TNXB: variants seen among roughly 807,000 people sequenced by gnomAD.
TNXB encodes the protein tenascin-X.
In TNXB, 183 loss-of-function variants were observed where a neutral mutation model predicts 340.5. The ratio of observed to expected loss-of-function variants is 0.54; its 90% CI spans 0.48 to 0.61. The LOEUF (loss-of-function observed/expected upper bound fraction) is 0.61. Ranked by LOEUF, TNXB falls within the 20% of genes least tolerant of loss-of-function variation. The pLI is 0.00. For missense variants in TNXB, 4,613 were observed against 5,446.4 expected (o/e 0.85, Z 4.82); for synonymous variants, 2,121 against 2,314.5 (o/e 0.92, Z 2.40).
Position 32,087,918 on chromosome 6 carries a change from T to C in TNXB, c.2779+867A>G. ...AAGGGGGCCGTGGGGGCCGCGGGGC[T>C]GGGGCTGGCCGGGGCCGGGACTTGG... On this transcript the variant is annotated intron_variant, in intron 6 of 43. Transcript: ENST00000644971. This position sits in a 1 kb window ranked among gnomAD's most constrained non-coding sequence, Gnocchi z 9.0. 1 of 63,304 alleles carries C rather than the reference T, an allele frequency of 1.6e-5. No homozygotes were observed. Among genetic ancestry groups the C allele is most frequent in the Non-Finnish European group, 3.2e-5 (1 of 31,570 alleles). The allele number at this position is 63,304 out of a possible 1,614,324, so 3.9% of individuals were successfully genotyped here.
Position 32,089,197 on chromosome 6 carries a change from C to G in TNXB, c.2515+26G>C. ...CTAGTCCAGATCTCCACTCAGGACA[C>G]CCCTCCCCACAGCCCCAGCTCTCAC... On this transcript the variant is annotated intron_variant, in intron 5 of 43. Transcript: ENST00000644971. This position sits in a 1 kb window ranked among gnomAD's most constrained non-coding sequence, Gnocchi z 6.2. 6.3e-7 allele frequency: 1 copy of G among 1,580,960 alleles called. No individual in the cohort carries two copies. Among genetic ancestry groups the G allele is most frequent in the African/African-American group, 1.3e-5 (1 of 74,502 alleles).
rs1233087215 is a variant in TNXB, at chr6:32,047,132, G to A, written c.10324+602C>T. Among the ~76,000 whole-genome samples, 1 of 152,228 alleles carries A rather than the reference G, an allele frequency of 6.6e-6. No homozygotes were observed. Among genetic ancestry groups the A allele is most frequent in the Non-Finnish European group, 1.5e-5 (1 of 68,032 alleles). On this transcript the variant is annotated intron_variant, in intron 30 of 43. Transcript: ENST00000644971. This position sits in a 1 kb window ranked among gnomAD's most constrained non-coding sequence, Gnocchi z 6.2. ...TCTGTACCCCGTCCCCACAGTGAGGGTTTGGGAAGAGAATTACGGAGTCCC... is the reference window on the plus strand; with the variant it reads ...TCTGTACCCCGTCCCCACAGTGAGGATTTGGGAAGAGAATTACGGAGTCCC...
At position 32,058,382 on chromosome 6, in the gene TNXB, C is replaced by G; in HGVS notation, c.7501G>C (p.Glu2501Gln). 6.2e-7 allele frequency: 1 copy of G among 1,601,272 alleles called. No individual in the cohort carries two copies. The highest frequency in any genetic ancestry group is 8.5e-7 in the Non-Finnish European group (1 of 1,174,250). ...GGGCTGGGGGTCTCGTCCACATCCT[C>G]TTGTGGGGCTGAAAGGTAATATAGG... ...VSTVGVTAPQ[E>Q]DVDETPSPTE... Residue 2501 changes from glutamate (E) to glutamine (Q), a missense_variant, in exon 22 of 44, where the codon GAG (glutamate) becomes CAG (glutamine). Coordinates refer to ENST00000644971, the MANE Select transcript of TNXB (RefSeq NM_001365276.2). The surrounding 1 kb of genome is among the most constrained non-coding windows in gnomAD (Gnocchi z 5.1).
Position 32,047,731 on chromosome 6 carries a change from C to A in TNXB, c.10324+3G>T, listed in dbSNP as rs1776981598. 2 of 1,592,148 alleles carry A rather than the reference C, an allele frequency of 1.3e-6. No individual in the cohort carries two copies. Among genetic ancestry groups the A allele is most frequent in the Non-Finnish European group, 1.7e-6 (2 of 1,167,956 alleles). On this transcript the variant is annotated splice_donor_region_variant and intron_variant, in intron 30 of 43. Transcript: ENST00000644971. The surrounding 1 kb of genome is among the most constrained non-coding windows in gnomAD (Gnocchi z 6.2). Reference sequence around the variant, plus strand: ...AAAAGGTGGAGGCTGGACTGGGACTCACCTGTGGTGCTGTCAGCAGAGATG... The same window carrying A: ...AAAAGGTGGAGGCTGGACTGGGACTAACCTGTGGTGCTGTCAGCAGAGATG...
chr6:32,041,521 G>A, intron 43 of TNXB, 71 bp from the exon 44 acceptor site: 2 of 1,192,216 alleles, frequency 1.7e-6, no homozygotes, highest in Non-Finnish European at 2.4e-6. Flanking sequence ...CCCTTAAGGA[G>A]GTAGCTCCCA....
chr6:32,078,111 G>GAA (rs1779199494), intron 11 of TNXB, among the ~76,000 whole-genome samples: 1 of 149,376 alleles, frequency 6.7e-6, no homozygotes, highest in Non-Finnish European at 1.5e-5. Flanking sequence ...AAGAAAGAAA[G>GAA]AAAGAAAGAA....
At position 32,108,191 on chromosome 6, in the gene TNXB, G is replaced by T. The variant is rs1299935096; in HGVS notation, c.-9+990C>A. ...AGGGAAAAGAGGAGGGGCTGGAGAT[G>T]CGGGAAGCAGGGGCAGGGCAGGCAG... is the stretch of plus-strand genomic sequence containing the variant. On this transcript the variant is annotated intron_variant, in intron 1 of 43. Coordinates refer to ENST00000644971, the MANE Select transcript of TNXB (RefSeq NM_001365276.2). This position sits in a 1 kb window ranked among gnomAD's most constrained non-coding sequence, Gnocchi z 4.8. 6.6e-6 allele frequency among the ~76,000 whole-genome samples: 1 copy of T among 152,180 alleles called. No homozygotes were observed. The highest frequency in any genetic ancestry group is 2.4e-5 in the African/African-American group (1 of 41,416).
chr6:32,106,177 C>G (rs1780970265), intron 1 of TNXB, among the ~76,000 whole-genome samples: 1 of 150,796 alleles, frequency 6.6e-6, no homozygotes, highest in Admixed American at 6.6e-5. Flanking sequence ...GTTTCTTGAT[C>G]TGGATGACGG....
At position 32,053,134 on chromosome 6, in the gene TNXB, C is replaced by T. The variant is rs189047208; in HGVS notation, c.8792-141G>A. 3.7e-4 allele frequency: 423 copies of T among 1,128,726 alleles called. 2 individuals are homozygous for T. In the African/African-American group the frequency reaches 5.7e-3, roughly 15 times the overall value. The allele number at this position is 1,128,726 out of a possible 1,614,324, so 69.9% of individuals were successfully genotyped here. The stretch of plus-strand genomic sequence containing the variant: ...AGGCCCATCTTTGGAGCTGGGTGGT[C>T]TTGCTCAGTTTACAGTCAACACACA... On this transcript the variant is annotated intron_variant, in intron 25 of 43. Coordinates refer to ENST00000644971, the MANE Select transcript of TNXB (RefSeq NM_001365276.2).
chr6:32,087,518 G>A lies in TNXB; in HGVS notation c.2779+1267C>T, dbSNP rs1253156966. ...CCCAGCACCTCTGGCTTGGGGTGGCGGGACGCAGCCACCCGGTCGACGCCT... is the reference window on the plus strand; with the variant it reads ...CCCAGCACCTCTGGCTTGGGGTGGCAGGACGCAGCCACCCGGTCGACGCCT... On this transcript the variant is annotated intron_variant, in intron 6 of 43. Transcript: ENST00000644971. The surrounding 1 kb of genome is among the most constrained non-coding windows in gnomAD (Gnocchi z 9.0). 9 of 474,384 alleles carry A rather than the reference G, an allele frequency of 1.9e-5. No homozygotes were observed. The highest frequency in any genetic ancestry group is 9.1e-5 in the South Asian group (6 of 66,212). The allele number at this position is 474,384 out of a possible 1,614,324, so 29.4% of individuals were successfully genotyped here.
chr6:32,089,190 C>G lies in TNXB; in HGVS notation c.2515+33G>C, dbSNP rs377051166. ...TCCCTCTCTAGTCCAGATCTCCACTCAGGACACCCCTCCCCACAGCCCCAG... is the reference window on the plus strand; with the variant it reads ...TCCCTCTCTAGTCCAGATCTCCACTGAGGACACCCCTCCCCACAGCCCCAG... On this transcript the variant is annotated intron_variant, in intron 5 of 43. Coordinates refer to ENST00000644971, the MANE Select transcript of TNXB (RefSeq NM_001365276.2). The surrounding 1 kb of genome is among the most constrained non-coding windows in gnomAD (Gnocchi z 6.2). The G allele has an allele frequency of 2.5e-6, 4 of 1,576,078 alleles. No individual in the cohort carries two copies. The highest frequency in any genetic ancestry group is 3.4e-6 in the Non-Finnish European group (4 of 1,160,026).
chr6:32,056,569 T>C lies in TNXB; in HGVS notation c.8143+17A>G, dbSNP rs371091888. ...CCTCCCACGGCTCCCACCCTGGGGC[T>C]GCCATCATCCACTCACCCGTCACCC... On this transcript the variant is annotated intron_variant, in intron 23 of 43. Coordinates refer to ENST00000644971, the MANE Select transcript of TNXB (RefSeq NM_001365276.2). 2.2e-5 allele frequency: 35 copies of C among 1,611,692 alleles called. No individual in the cohort carries two copies. In the African/African-American group the frequency reaches 3.5e-4, roughly 16 times the overall value.
In TNXB at chr6:32,049,774, A is replaced by T. The variant is rs1291989122; in HGVS notation, c.9440-187T>A. 6.6e-6 allele frequency among the ~76,000 whole-genome samples: 1 copy of T among 151,626 alleles called. No homozygotes were observed. The highest frequency in any genetic ancestry group is 1.5e-5 in the Non-Finnish European group (1 of 67,908). ...CAAGTTCCAGGGTCAGCTGTGGGGG[A>T]CCTGGCACAGCCACCAGCACAGCAA... is the stretch of plus-strand genomic sequence containing the variant. On this transcript the variant is annotated intron_variant, in intron 27 of 43. Coordinates refer to ENST00000644971, the MANE Select transcript of TNXB (RefSeq NM_001365276.2). The surrounding 1 kb of genome is among the most constrained non-coding windows in gnomAD (Gnocchi z 4.5).
At chr6:32,066,271 G>A (rs1391557382) in intron 18 of TNXB, among the ~76,000 whole-genome samples, 5 of 152,118 alleles carry the variant, frequency 3.3e-5, no homozygotes, top group Admixed American at 3.3e-4. Flanking sequence ...GCGAGCACCT[G>A]TGGCCCCAGC....
intron 13 of TNXB, 50 bp downstream of exon 13, chr6:32,071,940 G>A: frequency 6.8e-7 from 1 of 1,474,192 alleles, no homozygotes; most frequent in Non-Finnish European, 9.2e-7. Context: ...GTGAAGAGAA[G>A]GGTGGGAAGG....
In TNXB at chr6:32,080,975, G is replaced by A. The variant is rs531961084; in HGVS notation, c.4042+393C>T. ...TGGCAGGAGGTTGTGGGCAGCAGGT[G>A]ACAGAAGCCCAGAAGTGACCATGGC... On this transcript the variant is annotated intron_variant, in intron 10 of 43. Transcript: ENST00000644971. The surrounding 1 kb of genome is among the most constrained non-coding windows in gnomAD (Gnocchi z 4.3). Among the ~76,000 whole-genome samples the A allele has an allele frequency of 2.0e-5, 3 of 152,314 alleles. No homozygotes were observed. The East Asian group carries it at 5.8e-4, about 29-fold the overall frequency.
Position 32,058,148 on chromosome 6 carries a change from C to G in TNXB, c.7735G>C (p.Gly2579Arg). The change falls in exon 22 of 44, where the codon GGC (glycine) becomes CGC (arginine). Residue 2579 changes from glycine (G) to arginine (R), a missense_variant. By Grantham distance (125) the Gly-to-Arg change is moderately radical (BLOSUM62 -2). Coordinates refer to ENST00000644971, the MANE Select transcript of TNXB (RefSeq NM_001365276.2). The surrounding 1 kb of genome is among the most constrained non-coding windows in gnomAD (Gnocchi z 5.1). The stretch of plus-strand genomic sequence containing the variant: ...TTGTACTTGCGCCCAGGCTCCAGGC[C>G]CCTCACAGTGACCTTGCTCTCCTGG... The part of the protein sequence containing the change: ...GGQESKVTVR[G>R]LEPGRKYKMH... The G allele has an allele frequency of 6.2e-7, 1 of 1,612,710 alleles. No individual in the cohort carries two copies. The highest frequency in any genetic ancestry group is 8.5e-7 in the Non-Finnish European group (1 of 1,179,852).
rs1190185145 is a variant in TNXB at position 32,095,163 on chromosome 6, C to T, written c.2271G>A (p.Met757Ile). The change falls in exon 4 of 44, where the codon ATG becomes ATA. Residue 757 changes from methionine to isoleucine, a missense_variant. By Grantham distance (10) the Met-to-Ile change is conservative. Around this residue, in one of 7 missense-constraint regions of TNXB, gnomAD observed 4,327 missense variants for 4,859.4 expected, o/e 0.89. Coordinates refer to ENST00000644971, the MANE Select transcript of TNXB (RefSeq NM_001365276.2). Reference protein sequence around the residue: ...EEVPTIEGMRMHLLEETTVRT... With the variant: ...EEVPTIEGMRIHLLEETTVRT... ...GAACTGTTGTCTCCTCCAAGAGATGCATCCTCATGCCCTCAATGGTTGGCA... is the reference window on the plus strand; with the variant it reads ...GAACTGTTGTCTCCTCCAAGAGATGTATCCTCATGCCCTCAATGGTTGGCA... 1.3e-6 allele frequency: 2 copies of T among 1,550,094 alleles called. No individual in the cohort carries two copies. Among genetic ancestry groups the T allele is most frequent in the Non-Finnish European group, 1.7e-6 (2 of 1,146,392 alleles).
rs3130285 is a variant in TNXB, at chr6:32,058,480, T to C, written c.7493-90A>G. 966,700 of 1,096,740 alleles carry C rather than the reference T, an allele frequency of 0.88. 428,047 individuals are homozygous for C. The highest frequency in any genetic ancestry group is 1 in the East Asian group (38,458 of 38,522). 67.9% of individuals were successfully genotyped at this position (1,096,740 alleles called of 1,614,324 possible). On this transcript the variant is annotated intron_variant, in intron 21 of 43. Transcript: ENST00000644971. This position sits in a 1 kb window ranked among gnomAD's most constrained non-coding sequence, Gnocchi z 5.1. ...GTCAACAGAGGTCATACATCAAATG[T>C]GCCCCTCCAGAGCAGGCTGAGGGCT... is the stretch of plus-strand genomic sequence containing the variant.
Sources: gnomAD v4.1 joint callset for allele counts (sites outside exome capture counted in the v4.1 genomes callset) on GRCh38, gnomAD v4.1.1 for gene constraint, gnomAD v4.1.1 regional missense constraint, Gnocchi (gnomAD v3.1) non-coding constraint, MANE v1.5 for transcripts, NCBI Gene and HGNC (gene_info 2026-07-23, HGNC 2026-07-21) for gene names.